Variants in CPEB1 observed in about 807,000 individuals in gnomAD.
CPEB1 encodes the protein cytoplasmic polyadenylation element-binding protein 1.
A neutral mutation model predicts 65.8 loss-of-function variants in CPEB1; 7 were observed. The observed-to-expected ratio is 0.11, with a 90% CI of 0.06 to 0.20. CPEB1 has a LOEUF of 0.20. CPEB1 is among the 10% of genes least tolerant of loss of function. The probability of loss-of-function intolerance (pLI) is 1.00; values close to 1 mark genes in which losing one functional copy is unlikely to be tolerated. For missense variants in CPEB1, 551 were observed against 712.2 expected (o/e 0.77, Z 2.58); for synonymous variants, 262 against 260.0 (o/e 1.01, Z -0.08).
chr15:82,606,164 T>A (rs1387848109), intron 3 of CPEB1, among the ~76,000 whole-genome samples: 1 of 152,046 alleles, frequency 6.6e-6, no homozygotes, highest in Non-Finnish European at 1.5e-5. Context: ...AGATTGTTAA[T>A]ATAAATTAAG....
chr15:82,557,357 G>A (rs752157528), intron 5 of CPEB1, among the ~76,000 whole-genome samples: 23 of 152,124 alleles, frequency 1.5e-4, no homozygotes, highest in Non-Finnish European at 7.4e-5. Context: ...AATTTTTTAC[G>A]TTATTACTTA....
chr15:82,622,430 C>T (rs904089292), intron 3 of CPEB1, among the ~76,000 whole-genome samples: 8 of 152,178 alleles, frequency 5.3e-5, no homozygotes, highest in Admixed American at 6.5e-5. Context: ...TCTCCAGAGT[C>T]GCACTCTATC....
At chr15:82,589,617 G>A (rs115184820) in intron 3 of CPEB1, among the ~76,000 whole-genome samples, 10,563 of 151,828 alleles carry the variant, frequency 0.07, 597 homozygotes, top group African/African-American at 0.15. Context: ...AGTGGCACAT[G>A]CCCATAGTCC....
chr15:82,584,903 C>CCTTTTTTTTTT (rs2041643931), intron 3 of CPEB1, among the ~76,000 whole-genome samples: 2 of 81,742 alleles, frequency 2.4e-5, no homozygotes, highest in African/African-American at 5.9e-5. Context: ...TCCTAATTTG[C>CCTTTTTTTTTT]TTTTTTTTTT....
At chr15:82,629,668 T>C (rs2046078188) in intron 1 of CPEB1, 1 of 983,936 alleles carries the variant, frequency 1.0e-6, no homozygotes, top group Non-Finnish European at 1.2e-6. Context: ...GCCTGCCTCA[T>C]CAGTTCTATT....
chr15:82,557,692 C>T, intron 5 of CPEB1, 68 bp downstream of exon 5: 3 of 1,349,566 alleles, frequency 2.2e-6, no homozygotes, highest in Non-Finnish European at 2.1e-6. Flanking sequence ...GATATTGTAC[C>T]CTCCTTCCCC....
intron 3 of CPEB1, among the ~76,000 whole-genome samples, chr15:82,616,185 T>C (rs576210738): frequency 1.6e-4 from 25 of 152,212 alleles, no homozygotes; most frequent in Admixed American, 1.5e-3. Context: ...GTTGCTTATA[T>C]CATTCTATTT....
chr15:82,578,688 C>T (rs1016260308), intron 3 of CPEB1, among the ~76,000 whole-genome samples: 36 of 152,060 alleles, frequency 2.4e-4, no homozygotes, highest in Admixed American at 6.6e-4. Context: ...ACCCAAGAGG[C>T]GGAGGTTGCA....
chr15:82,544,280 T>G lies in CPEB1; in HGVS notation c.*312A>C, dbSNP rs1013056345. ...TACCTTCTGGACACGTAGTTTTTTT[T>G]TTTTTTTTTTTTTTCCCCGCTTTTC... On this transcript the variant is annotated 3_prime_UTR_variant, in exon 13 of 13. Transcript: ENST00000684509. 6.7e-5 allele frequency: 15 copies of G among 223,796 alleles called. No homozygotes were observed. Among genetic ancestry groups the G allele is most frequent in the Admixed American group, 4.8e-4 (9 of 18,636 alleles). The allele number at this position is 223,796 out of a possible 1,614,324, so 13.9% of individuals were successfully genotyped here. A position where few individuals can be genotyped will look rare whatever the true frequency, so the allele number is the denominator to read the frequency against.
intron 3 of CPEB1, among the ~76,000 whole-genome samples, chr15:82,612,986 G>A (rs2151255626): frequency 6.6e-6 from 1 of 152,064 alleles, no homozygotes; most frequent in Middle Eastern, 3.4e-3. Flanking sequence ...CAAAATTTAA[G>A]GAAGACTATT....
At chr15:82,626,841 TTAAA>T (rs754260088) in intron 3 of CPEB1, among the ~76,000 whole-genome samples, 476 of 152,362 alleles carry the variant, frequency 3.1e-3, no homozygotes, top group Non-Finnish European at 5.1e-3. Context: ...ATATATTGGG[TTAAA>T]TAAAATATTA....
intron 3 of CPEB1, among the ~76,000 whole-genome samples, chr15:82,577,684 T>A (rs1033091131): frequency 6.6e-6 from 1 of 152,036 alleles, no homozygotes; most frequent in Non-Finnish European, 1.5e-5. Flanking sequence ...CTGGCTAATT[T>A]TTTTGGGAAG....
chr15:82,556,980 A>G (rs1485267921), intron 5 of CPEB1, among the ~76,000 whole-genome samples: 1 of 152,230 alleles, frequency 6.6e-6, no homozygotes. Flanking sequence ...CTGCACATTC[A>G]GCTCGGGAGA....
In CPEB1 at chr15:82,567,607, G is replaced by A. The variant is rs534524335; in HGVS notation, c.460+3737C>T. 5.9e-5 allele frequency among the ~76,000 whole-genome samples: 9 copies of A among 151,936 alleles called. No individual in the cohort carries two copies. The East Asian group carries it at 1.7e-3, about 29-fold the overall frequency. ...GCCAAGATCGCACCACTGTACTCCAGCTTGGTCGACAGAGTGAGACTCCAT... is the reference window on the plus strand; with the variant it reads ...GCCAAGATCGCACCACTGTACTCCAACTTGGTCGACAGAGTGAGACTCCAT... On this transcript the variant is annotated intron_variant, in intron 4 of 12. Coordinates refer to ENST00000684509, the MANE Select transcript of CPEB1 (RefSeq NM_001365242.1).
chr15:82,544,388 C>G lies in CPEB1; in HGVS notation c.*204G>C. The G allele has an allele frequency of 2.0e-6, 1 of 508,648 alleles. No homozygotes were observed. Among genetic ancestry groups the G allele is most frequent in the Non-Finnish European group, 3.5e-6 (1 of 286,580 alleles). 31.5% of individuals were successfully genotyped at this position (508,648 alleles called of 1,614,324 possible). ...CCAGAGGGTCCTTGCCCTTGGTACA[C>G]CCCCTGAAAACAAAACCTGACAAAA... On this transcript the variant is annotated 3_prime_UTR_variant, in exon 13 of 13. Coordinates refer to ENST00000684509, the MANE Select transcript of CPEB1 (RefSeq NM_001365242.1).
chr15:82,647,672 C>T (rs2047692258), upstream of CPEB1: 2 of 397,516 alleles, frequency 5.0e-6, no homozygotes, highest in Admixed American at 4.8e-5. Flanking sequence ...GCTCCCTGCC[C>T]CCCTCGCCCT....
chr15:82,605,704 A>G (rs1449787216), intron 3 of CPEB1, among the ~76,000 whole-genome samples: 1 of 152,202 alleles, frequency 6.6e-6, no homozygotes, highest in African/African-American at 2.4e-5. Context: ...AGATAGCTAA[A>G]GTTAATTATA....
At chr15:82,607,351 G>C (rs1000636334) in intron 3 of CPEB1, among the ~76,000 whole-genome samples, 1 of 152,196 alleles carries the variant, frequency 6.6e-6, no homozygotes, top group Non-Finnish European at 1.5e-5. Flanking sequence ...ATTTTGGGAG[G>C]CTGAGGCAGG....
chr15:82,579,838 G>C (rs1347880293), intron 3 of CPEB1, among the ~76,000 whole-genome samples: 2 of 144,084 alleles, frequency 1.4e-5, no homozygotes, highest in African/African-American at 5.1e-5. Context: ...CGTGAACCCG[G>C]GAAGCGGAGC....
Sources: allele counts gnomAD v4.1 joint callset (sites outside exome capture counted in the v4.1 genomes callset), GRCh38; gene constraint gnomAD v4.1.1; transcripts MANE v1.5; gene names NCBI Gene and HGNC (gene_info 2026-07-23, HGNC 2026-07-21).